GRM3: variants seen among roughly 807,000 people sequenced by gnomAD.
The protein encoded by GRM3 is glutamate metabotropic receptor 3.
A neutral mutation model predicts 70.5 loss-of-function variants in GRM3; 26 were observed. The observed-to-expected ratio is 0.37, with a 90% CI of 0.27 to 0.51. The LOEUF is 0.51. Among genes scored for constraint, GRM3 ranks in the 20% least tolerant of loss-of-function variants. The probability of loss-of-function intolerance (pLI) is 0.93; values close to 1 mark genes in which losing one functional copy is unlikely to be tolerated. For synonymous variants in GRM3, 443 were observed against 434.9 expected (o/e 1.02, Z -0.23); for missense variants, 859 against 1,123.8 (o/e 0.76, Z 3.37).
At chr7:86,792,782 G>C (rs1293203951) in intron 3 of GRM3, among the ~76,000 whole-genome samples, 1 of 152,084 alleles carries the variant, frequency 6.6e-6, no homozygotes, top group Non-Finnish European at 1.5e-5. Flanking sequence ...TGTTGCCCTA[G>C]GATTTTTGTT....
rs1314186560 is a variant in GRM3 at position 86,694,644 on chromosome 7, A to G, written c.-141+49772A>G. Among the ~76,000 whole-genome samples, 3 of 152,194 alleles carry G rather than the reference A, an allele frequency of 2.0e-5. No homozygotes were observed. In the East Asian group the frequency reaches 5.8e-4, roughly 29 times the overall value. On this transcript the variant is annotated intron_variant, in intron 1 of 5. Coordinates refer to ENST00000361669, the MANE Select transcript of GRM3 (RefSeq NM_000840.3). ...AAAAAAAAGAAAGACAAAGCATTTAATAAATTATATAAAAGGTATTAAATA... is the reference window on the plus strand; with the variant it reads ...AAAAAAAAGAAAGACAAAGCATTTAGTAAATTATATAAAAGGTATTAAATA...
intron 1 of GRM3, among the ~76,000 whole-genome samples, chr7:86,674,838 T>C (rs1794266459): frequency 6.6e-6 from 1 of 152,082 alleles, no homozygotes; most frequent in Non-Finnish European, 1.5e-5. Context: ...CTCAGACCTA[T>C]ACTTTCTGCA....
chr7:86,768,679 G>A (rs1249504504), intron 2 of GRM3, among the ~76,000 whole-genome samples: 2 of 152,112 alleles, frequency 1.3e-5, no homozygotes, highest in Non-Finnish European at 1.5e-5. Context: ...TGTGGGAGAC[G>A]TCCATGTACA....
chr7:86,694,328 C>T (rs531495477), intron 1 of GRM3, among the ~76,000 whole-genome samples: 31 of 151,564 alleles, frequency 2.0e-4, no homozygotes, highest in South Asian at 1.0e-3. Flanking sequence ...GATCAGACCA[C>T]GGTGAAACCC....
chr7:86,843,692 C>CTTA (rs1409237809), intron 4 of GRM3, among the ~76,000 whole-genome samples: 1 of 152,108 alleles, frequency 6.6e-6, no homozygotes, highest in African/African-American at 2.4e-5. Flanking sequence ...TATTTGAGGA[C>CTTA]TTATTATAGG....
rs763403442 is a variant in GRM3, at chr7:86,839,912, C to CT, written c.2391+10dup. ...GACATCAAGTGACTACAGAGTAAGT[C>CT]TTTGATTGTTTCTTATTTTTCTTGT... is the stretch of plus-strand genomic sequence containing the variant. On this transcript the variant is annotated splice_region_variant and intron_variant, in intron 4 of 5. Transcript: ENST00000361669. This position sits in a 1 kb window ranked among gnomAD's most constrained non-coding sequence, Gnocchi z 4.5. 20 of 1,452,338 alleles carry CT rather than the reference C, an allele frequency of 1.4e-5. No homozygotes were observed. In the South Asian group the frequency reaches 2.3e-4, roughly 17 times the overall value. 90.0% of individuals were successfully genotyped at this position (1,452,338 alleles called of 1,614,324 possible).
Position 86,644,869 on chromosome 7 carries a change from C to A in GRM3, c.-144C>A, listed in dbSNP as rs990232894. On this transcript the variant is annotated 5_prime_UTR_variant, in exon 1 of 6. An upstream open reading frame in the 5' UTR gains an earlier in-frame stop. Coordinates refer to ENST00000361669, the MANE Select transcript of GRM3 (RefSeq NM_000840.3). ...CAGTTCCTGCCAGGAGTTGTCGGTG[C>A]GAGGTAAGGGTCCCAGAGGAGGACG... 3.9e-6 allele frequency: 5 copies of A among 1,286,966 alleles called. No homozygotes were observed. Among genetic ancestry groups the A allele is most frequent in the Non-Finnish European group, 5.1e-6 (5 of 986,684 alleles). 79.7% of individuals were successfully genotyped at this position (1,286,966 alleles called of 1,614,324 possible).
intron 2 of GRM3, among the ~76,000 whole-genome samples, chr7:86,767,792 G>T (rs1796644778): frequency 6.6e-6 from 1 of 151,832 alleles, no homozygotes; most frequent in Non-Finnish European, 1.5e-5. Flanking sequence ...GAGAAACTGT[G>T]CCCTGCAAAT....
intron 1 of GRM3, among the ~76,000 whole-genome samples, chr7:86,682,776 T>A (rs1045061589): frequency 3.9e-5 from 6 of 152,184 alleles, no homozygotes; most frequent in Admixed American, 1.3e-4. Context: ...GAGAATGAGC[T>A]AGTCATTATG....
chr7:86,764,594 T>A (rs1796555500), intron 1 of GRM3, among the ~76,000 whole-genome samples: 1 of 151,998 alleles, frequency 6.6e-6, no homozygotes. Context: ...AAGGTAAGTT[T>A]ACAAATGCAG....
At chr7:86,679,672 T>C (rs1794396975) in intron 1 of GRM3, among the ~76,000 whole-genome samples, 1 of 152,034 alleles carries the variant, frequency 6.6e-6, no homozygotes, top group Non-Finnish European at 1.5e-5. Context: ...CCTGTCCTCA[T>C]TCCTCCTCGT....
At chr7:86,850,810 C>CCAA (rs1260407993) in intron 5 of GRM3, among the ~76,000 whole-genome samples, 1 of 152,070 alleles carries the variant, frequency 6.6e-6, no homozygotes, top group Non-Finnish European at 1.5e-5. Context: ...AGGGGTTTGA[C>CCAA]CATGTTGTGG....
intron 2 of GRM3, among the ~76,000 whole-genome samples, chr7:86,768,652 G>C (rs1584227234): frequency 6.6e-6 from 1 of 152,292 alleles, no homozygotes; most frequent in Admixed American, 6.5e-5. Context: ...TGGATCTGAA[G>C]AGGCCAATCA....
chr7:86,647,680 A>G (rs1400089200), intron 1 of GRM3, among the ~76,000 whole-genome samples: 1 of 152,204 alleles, frequency 6.6e-6, no homozygotes, highest in Non-Finnish European at 1.5e-5. Context: ...ATTTGTTGAA[A>G]TTGCTCCCAA....
intron 1 of GRM3, among the ~76,000 whole-genome samples, chr7:86,763,966 G>A (rs1796540939): frequency 6.6e-6 from 1 of 152,134 alleles, no homozygotes; most frequent in African/African-American, 2.4e-5. Flanking sequence ...AGCTTTGGGA[G>A]ATGTTAAGCG....
At chr7:86,838,782 C>G in intron 3 of GRM3, 57 bp from the exon 4 acceptor site, 1 of 898,758 alleles carries the variant, frequency 1.1e-6, no homozygotes, top group Non-Finnish European at 1.7e-6. Context: ...ATTGACTAAT[C>G]ACACGTAAGA....
chr7:86,807,794 T>C (rs1797826945), intron 3 of GRM3, among the ~76,000 whole-genome samples: 1 of 152,078 alleles, frequency 6.6e-6, no homozygotes, highest in Non-Finnish European at 1.5e-5. Context: ...TGAATACGAG[T>C]GGTGAGAGAG....
chr7:86,765,452 A>G lies in GRM3; in HGVS notation c.307A>G (p.Thr103Ala), dbSNP rs1220722886. The G allele has an allele frequency of 6.2e-7, 1 of 1,613,942 alleles. No homozygotes were observed. Among genetic ancestry groups the G allele is most frequent in the Non-Finnish European group, 8.5e-7 (1 of 1,179,884 alleles). Residue 103 changes from threonine to alanine, a missense_variant, in exon 2 of 6, where the codon ACC becomes GCC. By Grantham distance (58) the Thr-to-Ala change is moderately conservative. Transcript: ENST00000361669. Reference protein sequence around the residue: ...VHILDTCSRDTYALEQSLEFV... With the variant: ...VHILDTCSRDAYALEQSLEFV... ...CATTTTGGATACATGTTCAAGGGAT[A>G]CCTATGCATTGGAGCAATCACTGGA...
chr7:86,806,361 A>G (rs1229650040), intron 3 of GRM3, among the ~76,000 whole-genome samples: 1 of 152,222 alleles, frequency 6.6e-6, no homozygotes, highest in African/African-American at 2.4e-5. Context: ...TTATAGTCAC[A>G]CCAACAGTGT....
Sources: allele counts gnomAD v4.1 joint callset (sites outside exome capture counted in the v4.1 genomes callset), GRCh38; gene constraint gnomAD v4.1.1; non-coding constraint Gnocchi (gnomAD v3.1); transcripts MANE v1.5; gene names NCBI Gene and HGNC (gene_info 2026-07-23, HGNC 2026-07-21).